Variants in SNRPN observed in about 807,000 individuals in gnomAD.
The protein encoded by SNRPN is small nuclear ribonucleoprotein-associated protein N.
SNRPN carries 7 observed loss-of-function variants against 25.2 expected under a neutral mutation model. That is an observed-to-expected ratio of 0.28 (90% confidence interval 0.16 to 0.52). The LOEUF (loss-of-function observed/expected upper bound fraction) is 0.52, where lower values mean the gene tolerates loss of function less well. Ranked by LOEUF, SNRPN falls within the 20% of genes least tolerant of loss-of-function variation. The probability of loss-of-function intolerance (pLI) is 0.96; values close to 1 mark genes in which losing one functional copy is unlikely to be tolerated. For synonymous variants in SNRPN, 124 were observed against 110.6 expected (o/e 1.12, Z -0.76); for missense variants, 196 against 322.5 (o/e 0.61, Z 3.00).
At chr15:24,856,292 T>C (rs1206636322), upstream of SNRPN, among the ~76,000 whole-genome samples, 1 of 152,218 alleles carries the variant, frequency 6.6e-6, no homozygotes, top group Non-Finnish European at 1.5e-5. Flanking sequence ...TTTAATGTTC[T>C]TGTGAATCTT....
intron 1 of SNRPN, among the ~76,000 whole-genome samples, chr15:24,861,016 C>T (rs1033836384): frequency 2.0e-5 from 3 of 152,192 alleles, no homozygotes; most frequent in African/African-American, 7.2e-5. Context: ...AAAGGGCACA[C>T]AAGAATTGCT....
chr15:24,867,111 A>G (rs962566534), intron 1 of SNRPN, among the ~76,000 whole-genome samples: 4 of 152,096 alleles, frequency 2.6e-5, no homozygotes, highest in African/African-American at 9.7e-5. Flanking sequence ...TATCTCTTCA[A>G]CATACTGATT....
At chr15:24,917,102 G>A (rs2059576474) in intron 2 of SNRPN, among the ~76,000 whole-genome samples, 1 of 152,134 alleles carries the variant, frequency 6.6e-6, no homozygotes, top group Admixed American at 6.6e-5. Context: ...ATCGATTGGT[G>A]CATTTTTACA....
intron 2 of SNRPN, among the ~76,000 whole-genome samples, chr15:24,847,959 G>A (rs8027497): frequency 0.14 from 21,483 of 151,918 alleles, 1,733 homozygotes; most frequent in African/African-American, 0.22. Context: ...TAGTTCAGAA[G>A]ATTAGAGTAA....
intron 1 of SNRPN, among the ~76,000 whole-genome samples, chr15:24,879,630 C>T (rs969269873): frequency 6.6e-6 from 1 of 152,168 alleles, no homozygotes; most frequent in African/African-American, 2.4e-5. Context: ...CCATGTCTGT[C>T]ACCCTTGTGC....
chr15:24,874,015 G>GGAA (rs769735198), intron 1 of SNRPN, among the ~76,000 whole-genome samples: 1 of 127,216 alleles, frequency 7.9e-6, no homozygotes, highest in Admixed American at 8.3e-5. Context: ...TTCATCTTCA[G>GGAA]AAAAAAAAAA....
At chr15:24,902,616 A>G (rs1049862013) in intron 2 of SNRPN, among the ~76,000 whole-genome samples, 3 of 152,084 alleles carry the variant, frequency 2.0e-5, no homozygotes, top group Admixed American at 6.5e-5. Context: ...AGATGCTCAG[A>G]TGTGTCCAGA....
intron 2 of SNRPN, among the ~76,000 whole-genome samples, chr15:24,918,992 TGC>T (rs1398093367): frequency 2.5e-5 from 3 of 119,830 alleles, no homozygotes; most frequent in Non-Finnish European, 5.6e-5. Context: ...AATATATATG[TGC>T]GCATATATAT....
At chr15:24,860,059 G>T (rs1407058209) in intron 1 of SNRPN, among the ~76,000 whole-genome samples, 3 of 152,110 alleles carry the variant, frequency 2.0e-5, no homozygotes, top group Non-Finnish European at 2.9e-5. Flanking sequence ...AGCCCAGTAG[G>T]TCTCATCCTC....
At chr15:24,936,566 T>G (rs1395741350) in intron 3 of SNRPN, among the ~76,000 whole-genome samples, 1 of 152,154 alleles carries the variant, frequency 6.6e-6, no homozygotes. Context: ...AATTGGCTAA[T>G]GGTTCTGAAG....
At chr15:24,909,054 G>T in intron 2 of SNRPN, 1 of 1,421,632 alleles carries the variant, frequency 7.0e-7, no homozygotes, top group Non-Finnish European at 9.9e-7. Flanking sequence ...TCTTTCTTGG[G>T]CTTATTTTCA....
intron 3 of SNRPN, among the ~76,000 whole-genome samples, chr15:24,948,963 C>G (rs1206332511): frequency 6.6e-6 from 1 of 151,346 alleles, no homozygotes; most frequent in Non-Finnish European, 1.5e-5. Flanking sequence ...CTCTCCCATC[C>G]CCTGAAAATC....
chr15:24,961,520 G>A (rs1015617978), intron 1 of SNRPN, among the ~76,000 whole-genome samples: 7 of 152,102 alleles, frequency 4.6e-5, no homozygotes, highest in African/African-American at 1.4e-4. Context: ...CATTTTATGA[G>A]GGGTTCTGCA....
chr15:24,844,263 C>T (rs1165198761), intron 2 of SNRPN, among the ~76,000 whole-genome samples: 2 of 152,070 alleles, frequency 1.3e-5, no homozygotes, highest in East Asian at 3.9e-4. Context: ...TTTACATCTT[C>T]CTGCTGATAA....
chr15:24,868,571 G>A, intron 1 of SNRPN, among the ~76,000 whole-genome samples: 1 of 152,196 alleles, frequency 6.6e-6, no homozygotes, highest in Admixed American at 6.5e-5. Flanking sequence ...GGATTAGAAT[G>A]CAAGGTTGTG....
chr15:24,866,471 C>T (rs1407215055), intron 1 of SNRPN, among the ~76,000 whole-genome samples: 1 of 152,120 alleles, frequency 6.6e-6, no homozygotes, highest in Non-Finnish European at 1.5e-5. Context: ...GATCACAGCT[C>T]ACTGCAGTGT....
At chr15:24,959,618 T>C (rs1039625082) in intron 1 of SNRPN, among the ~76,000 whole-genome samples, 1 of 152,216 alleles carries the variant, frequency 6.6e-6, no homozygotes, top group Non-Finnish European at 1.5e-5. Context: ...AGATTAATCA[T>C]GGTTTAGTTG....
intron 3 of SNRPN, among the ~76,000 whole-genome samples, chr15:24,943,123 C>T (rs1009288416): frequency 7.9e-5 from 12 of 151,882 alleles, no homozygotes; most frequent in African/African-American, 1.9e-4. Flanking sequence ...CAATCATGCT[C>T]CTTCCACATT....
intron 4 of SNRPN, 120 bp downstream of exon 4, chr15:24,974,576 A>G: frequency 3.2e-6 from 3 of 924,206 alleles, no homozygotes; most frequent in East Asian, 2.4e-5. Context: ...ATCCATGGAT[A>G]TGGATTCTCA....
Sources: gnomAD v4.1 joint callset for allele counts (sites outside exome capture counted in the v4.1 genomes callset) on GRCh38, gnomAD v4.1.1 for gene constraint, MANE v1.5 for transcripts, NCBI Gene and HGNC (gene_info 2026-07-23, HGNC 2026-07-21) for gene names.